PREX1: variants seen among roughly 807,000 people sequenced by gnomAD.
PREX1 encodes phosphatidylinositol 3,4,5-trisphosphate-dependent Rac exchanger 1 protein.
In PREX1, 41 loss-of-function variants were observed where a neutral mutation model predicts 198.3. The observed-to-expected ratio is 0.21, with a 90% CI of 0.16 to 0.27. The LOEUF is 0.27. Ranked by LOEUF, PREX1 falls within the 10% of genes least tolerant of loss-of-function variation. PREX1 has a pLI of 1.00. For synonymous variants in PREX1, 843 were observed against 887.2 expected, an observed-to-expected ratio of 0.95 and a Z score of 0.89; for missense variants, 1,620 against 2,200.7, an observed-to-expected ratio of 0.74 and a Z score of 5.28.
At chr20:48,819,133 T>C (rs1171201874) in intron 1 of PREX1, among the ~76,000 whole-genome samples, 1 of 152,174 alleles carries the variant, frequency 6.6e-6, no homozygotes, top group Non-Finnish European at 1.5e-5. Context: ...CGTCACCAAC[T>C]GACCCATGCC....
chr20:48,649,937 G>C, intron 24 of PREX1, 59 bp downstream of exon 24: 1 of 1,574,072 alleles, frequency 6.4e-7, no homozygotes, highest in African/African-American at 1.3e-5. Flanking sequence ...GACAAGTTTT[G>C]GTTTAAGTAT....
rs557354651 is a variant in PREX1 at position 48,788,384 on chromosome 20, C to T, written c.219+39258G>A. On this transcript the variant is annotated intron_variant, in intron 1 of 39. Transcript: ENST00000371941. The stretch of plus-strand genomic sequence containing the variant: ...ACCTACCACCCTCAAACAGGAAGCT[C>T]CCCTCTTTCAAAGAAGCTCTGGCCC... Among the ~76,000 whole-genome samples the T allele has an allele frequency of 3.9e-5, 6 of 152,268 alleles. No individual in the cohort carries two copies. In the South Asian group the frequency reaches 1.2e-3, roughly 32 times the overall value.
chr20:48,636,774 A>G (rs1161571313), intron 31 of PREX1, 91 bp from the exon 32 acceptor site: 9 of 1,132,736 alleles, frequency 7.9e-6, no homozygotes, highest in Non-Finnish European at 9.8e-6. Flanking sequence ...AGGACCCCTC[A>G]TGGAACCCCC....
intron 29 of PREX1, among the ~76,000 whole-genome samples, chr20:48,640,691 C>G (rs1004489535): frequency 1.3e-5 from 2 of 152,272 alleles, no homozygotes; most frequent in South Asian, 2.1e-4. Context: ...GTGCCCAGTA[C>G]AAGGCCTGGC....
rs369116158 is a variant in PREX1 at position 48,636,499 on chromosome 20, C to A, written c.4131G>T (p.Leu1377=). 94 of 1,609,032 alleles carry A rather than the reference C, an allele frequency of 5.8e-5. No individual in the cohort carries two copies. In the African/African-American group the frequency reaches 1.2e-3, roughly 21 times the overall value. Residue 1377 remains leucine (L), a synonymous_variant, in exon 32 of 40, where the codon CTG becomes CTT. Coordinates refer to ENST00000371941, the MANE Select transcript of PREX1 (RefSeq NM_020820.4). The part of the protein sequence containing the change: ...WLEQVAATGV[L]LHCQSLLSPA... ...GCGAGAGCAGGGACTGGCAGTGCAG[C>A]AGGACGCCCGTGGCCGCCACCTGCT...
In PREX1 at chr20:48,700,878, G is replaced by T. The variant is rs2089870054; in HGVS notation, c.792C>A (p.Asn264Lys). 6.2e-7 allele frequency: 1 copy of T among 1,614,050 alleles called. No individual in the cohort carries two copies. The highest frequency in any genetic ancestry group is 1.1e-5 in the South Asian group (1 of 91,084). ...GGAGCTGAGTGCAGATGTCTGTGAG[G>T]TTGGAACCCTGGAAGCGCAATGAGG... The part of the protein sequence containing the change: ...QSHIEGWEGS[N>K]LTDICTQLLL... Residue 264 changes from asparagine (N) to lysine (K), a missense_variant, in exon 7 of 40, where the codon AAC (asparagine) becomes AAA (lysine). By Grantham distance (94) the Asn-to-Lys change is moderately conservative (BLOSUM62 0). Transcript: ENST00000371941.
At position 48,698,785 on chromosome 20, in the gene PREX1, GT is replaced by G. The variant is rs2089860087; in HGVS notation, c.917+1967del. Among the ~76,000 whole-genome samples, 6 of 152,214 alleles carry G rather than the reference GT, an allele frequency of 3.9e-5. No homozygotes were observed. In the South Asian group the frequency reaches 1.2e-3, roughly 31 times the overall value. ...ACCTGTGCGACCACACCAGAGCCAA[GT>G]TAACAACAATGGTGCTGGCAGCTAC... On this transcript the variant is annotated intron_variant, in intron 7 of 39. Transcript: ENST00000371941.
At chr20:48,665,962 G>A (rs577431304) in intron 15 of PREX1, among the ~76,000 whole-genome samples, 101 of 152,286 alleles carry the variant, frequency 6.6e-4, no homozygotes, top group African/African-American at 2.2e-3. Flanking sequence ...GGAGGCCTTC[G>A]GGCCAGGCCT....
chr20:48,802,506 C>A (rs1410804747), intron 1 of PREX1, among the ~76,000 whole-genome samples: 1 of 152,228 alleles, frequency 6.6e-6, no homozygotes, highest in African/African-American at 2.4e-5. Flanking sequence ...TCAAAGGCCA[C>A]CTCATCAGAC....
chr20:48,709,388 C>A (rs2089920104), intron 5 of PREX1, among the ~76,000 whole-genome samples: 2 of 152,216 alleles, frequency 1.3e-5, no homozygotes, highest in Admixed American at 6.5e-5. Flanking sequence ...TAGTTACGAG[C>A]ACAAATGTAG....
At position 48,661,523 on chromosome 20, in the gene PREX1, TATA is replaced by T. The variant is rs1228882139; in HGVS notation, c.1739-1465_1739-1463del. On this transcript the variant is annotated intron_variant, in intron 15 of 39. Coordinates refer to ENST00000371941, the MANE Select transcript of PREX1 (RefSeq NM_020820.4). The stretch of plus-strand genomic sequence containing the variant: ...GTATGTATATAACATATATAATATA[TATA>T]ATGTGTGTGTGTGTGTGTATATATA... 2.5e-5 allele frequency among the ~76,000 whole-genome samples: 3 copies of T among 120,790 alleles called. No homozygotes were observed. In the East Asian group the frequency reaches 6.9e-4, roughly 28 times the overall value. The allele number at this position is 120,790 out of a possible 152,430, so 79.2% of individuals were successfully genotyped here.
At chr20:48,846,533 C>T in the PREX1 span, among the ~76,000 whole-genome samples, 1 of 152,180 alleles carries the variant, frequency 6.6e-6, no homozygotes, top group African/African-American at 2.4e-5. Flanking sequence ...GACCCTCCTA[C>T]AGTACAACAG....
the PREX1 span, among the ~76,000 whole-genome samples, chr20:48,872,581 T>TA: frequency 1.3e-5 from 2 of 151,868 alleles, no homozygotes; most frequent in Non-Finnish European, 2.9e-5. Context: ...CCATCTATAC[T>TA]AAAAAATATA....
chr20:48,763,854 T>C (rs1309655431), intron 1 of PREX1, among the ~76,000 whole-genome samples: 1 of 152,196 alleles, frequency 6.6e-6, no homozygotes, highest in Non-Finnish European at 1.5e-5. Flanking sequence ...GGCTGCAGCT[T>C]GGGGTCTTCA....
At chr20:48,703,799 C>A (rs1020738284) in intron 6 of PREX1, among the ~76,000 whole-genome samples, 2 of 152,184 alleles carry the variant, frequency 1.3e-5, no homozygotes, top group Non-Finnish European at 2.9e-5. Flanking sequence ...AGCTGAAATG[C>A]CGAGCACACT....
chr20:48,724,819 G>A (rs995278350), intron 5 of PREX1, among the ~76,000 whole-genome samples: 3 of 152,218 alleles, frequency 2.0e-5, no homozygotes, highest in Admixed American at 1.3e-4. Flanking sequence ...CTGCAGGCCC[G>A]ATTTGGTCCA....
chr20:48,679,521 G>A, intron 12 of PREX1, 112 bp from the exon 13 acceptor site: 2 of 1,388,252 alleles, frequency 1.4e-6, no homozygotes, highest in South Asian at 2.4e-5. Flanking sequence ...AGGGTAATGG[G>A]GGCAGGGGTG....
At position 48,788,221 on chromosome 20, in the gene PREX1, T is replaced by G. The variant is rs80028832; in HGVS notation, c.219+39421A>C. Among the ~76,000 whole-genome samples, 279 of 152,306 alleles carry G rather than the reference T, an allele frequency of 1.8e-3. 1 individual carries two copies. The highest frequency in any genetic ancestry group is 3.6e-3 in the Admixed American group (55 of 15,302). On this transcript the variant is annotated intron_variant, in intron 1 of 39. Transcript: ENST00000371941. ...AGGCGGGCAGTGTCCTCGAGCCTTT[T>G]GCAGGATAGAGGCAGATGTTTGGAG...
chr20:48,737,526 GA>G (rs2090062407), intron 3 of PREX1, among the ~76,000 whole-genome samples: 2 of 152,210 alleles, frequency 1.3e-5, no homozygotes, highest in African/African-American at 4.8e-5. Flanking sequence ...GAAGAAAAGA[GA>G]AGGAGGAACG....
Sources: allele counts gnomAD v4.1 joint callset (sites outside exome capture counted in the v4.1 genomes callset), GRCh38; gene constraint gnomAD v4.1.1; transcripts MANE v1.5; gene names NCBI Gene and HGNC (gene_info 2026-07-23, HGNC 2026-07-21).